Variants in MED13L observed in about 807,000 individuals in gnomAD.
MED13L encodes mediator of RNA polymerase II transcription subunit 13-like.
MED13L carries 7 observed loss-of-function variants against 220.9 expected under a neutral mutation model. The ratio of observed to expected loss-of-function variants is 0.03; its 90% CI spans 0.02 to 0.06. The LOEUF (loss-of-function observed/expected upper bound fraction) is 0.06, where lower values mean the gene tolerates loss of function less well. MED13L is among the 10% of genes least tolerant of loss of function. The probability of loss-of-function intolerance (pLI) is 1.00; values close to 1 mark genes in which losing one functional copy is unlikely to be tolerated. For missense variants in MED13L, 1,965 were observed against 2,760.5 expected (o/e 0.71, Z 6.46); for synonymous variants, 1,011 against 1,015.2 (o/e 1.00, Z 0.08).
At chr12:116,049,506 A>G (rs1451336862) in intron 4 of MED13L, among the ~76,000 whole-genome samples, 1 of 152,210 alleles carries the variant, frequency 6.6e-6, no homozygotes, top group African/African-American at 2.4e-5. Context: ...TTGGCATGGC[A>G]AAAGAAAAAA....
At chr12:116,260,450 G>A (rs977323456) in intron 1 of MED13L, among the ~76,000 whole-genome samples, 1 of 152,098 alleles carries the variant, frequency 6.6e-6, no homozygotes, top group Non-Finnish European at 1.5e-5. Flanking sequence ...AATGTGCTGA[G>A]GAAAAGGGGG....
intron 4 of MED13L, among the ~76,000 whole-genome samples, chr12:116,033,412 A>T (rs2137508549): frequency 6.6e-6 from 1 of 152,320 alleles, no homozygotes; most frequent in South Asian, 2.1e-4. Flanking sequence ...TTCTTAATTC[A>T]AGTGCATTAC....
chr12:116,255,865 T>G (rs1323532327), intron 1 of MED13L, among the ~76,000 whole-genome samples: 3 of 152,228 alleles, frequency 2.0e-5, no homozygotes, highest in Non-Finnish European at 4.4e-5. Flanking sequence ...TCAAAACTTT[T>G]TGCATGCCAA....
At chr12:116,111,685 ATACT>A (rs1874106225) in intron 2 of MED13L, among the ~76,000 whole-genome samples, 173 bp from the exon 3 acceptor site, 1 of 152,188 alleles carries the variant, frequency 6.6e-6, no homozygotes, top group East Asian at 1.9e-4. Context: ...AAGTTAGAAA[ATACT>A]TACGTACAAA....
At chr12:116,091,136 A>G (rs1184230065) in intron 4 of MED13L, among the ~76,000 whole-genome samples, 1 of 151,590 alleles carries the variant, frequency 6.6e-6, no homozygotes, top group Non-Finnish European at 1.5e-5. Context: ...AAAAAAAAAA[A>G]AAAAAGAATT....
At chr12:116,167,194 A>T (rs934564045) in intron 2 of MED13L, among the ~76,000 whole-genome samples, 3 of 152,180 alleles carry the variant, frequency 2.0e-5, no homozygotes, top group Non-Finnish European at 4.4e-5. Flanking sequence ...AAGAGCATAA[A>T]TGTTTTATAG....
At chr12:116,113,737 G>A (rs1408707366) in intron 2 of MED13L, among the ~76,000 whole-genome samples, 1 of 116,364 alleles carries the variant, frequency 8.6e-6, no homozygotes, top group African/African-American at 3.2e-5. Context: ...AGAGGAGGGG[G>A]AGGGGAAGAG....
chr12:116,151,996 T>C (rs1041318245), intron 2 of MED13L, among the ~76,000 whole-genome samples: 5 of 152,178 alleles, frequency 3.3e-5, no homozygotes. Flanking sequence ...CCTTTTCCAC[T>C]ATACATTCAA....
chr12:116,265,642 T>C (rs1414196042), intron 1 of MED13L, among the ~76,000 whole-genome samples: 1 of 152,246 alleles, frequency 6.6e-6, no homozygotes, highest in Non-Finnish European at 1.5e-5. Context: ...GAACTGATTT[T>C]AGAAAACTGA....
At chr12:116,094,418 T>C (rs1368511758) in intron 4 of MED13L, among the ~76,000 whole-genome samples, 2 of 152,234 alleles carry the variant, frequency 1.3e-5, no homozygotes, top group African/African-American at 4.8e-5. Context: ...CCCATTTATA[T>C]TGAATCAAAT....
chr12:116,248,311 C>T (rs1345557328), intron 1 of MED13L, among the ~76,000 whole-genome samples: 3 of 152,018 alleles, frequency 2.0e-5, no homozygotes, highest in South Asian at 2.1e-4. Flanking sequence ...ATCAACAGAA[C>T]CAAATGGAAA....
intron 1 of MED13L, 154 bp downstream of exon 1, chr12:116,276,906 C>A: frequency 2.0e-6 from 2 of 998,988 alleles, no homozygotes. Context: ...GAGAGACGAT[C>A]CAAAAGGGGG....
At chr12:116,184,653 C>T (rs900428524) in intron 2 of MED13L, among the ~76,000 whole-genome samples, 2 of 152,124 alleles carry the variant, frequency 1.3e-5, no homozygotes, top group Non-Finnish European at 2.9e-5. Flanking sequence ...CTCTAAGTTG[C>T]AGGTTTGAAC....
At chr12:116,000,566 A>C (rs943898569) in intron 14 of MED13L, among the ~76,000 whole-genome samples, 2 of 152,192 alleles carry the variant, frequency 1.3e-5, no homozygotes, top group Non-Finnish European at 2.9e-5. Flanking sequence ...CCAAACCGTA[A>C]GGACTCTTGG....
chr12:116,112,076 T>C (rs1323744587), intron 2 of MED13L, among the ~76,000 whole-genome samples: 1 of 152,208 alleles, frequency 6.6e-6, no homozygotes, highest in African/African-American at 2.4e-5. Flanking sequence ...ATTTTGTTAA[T>C]GTTTGACATT....
chr12:115,985,515 T>C (rs1234732720), intron 19 of MED13L, among the ~76,000 whole-genome samples: 1 of 152,248 alleles, frequency 6.6e-6, no homozygotes, highest in African/African-American at 2.4e-5. Context: ...ATGCCTATCA[T>C]AGTACTAAAT....
At chr12:116,085,979 A>T (rs1344662516) in intron 4 of MED13L, among the ~76,000 whole-genome samples, 1 of 152,242 alleles carries the variant, frequency 6.6e-6, no homozygotes, top group Non-Finnish European at 1.5e-5. Context: ...AGACTATGCT[A>T]GAACTGTGAA....
At chr12:116,096,978 T>A (rs1872685649) in intron 3 of MED13L, among the ~76,000 whole-genome samples, 1 of 152,146 alleles carries the variant, frequency 6.6e-6, no homozygotes, top group South Asian at 2.1e-4. Context: ...TAAACAAAAG[T>A]AAGCAAAATA....
intron 2 of MED13L, among the ~76,000 whole-genome samples, chr12:116,140,164 G>A (rs1188378813): frequency 2.0e-5 from 3 of 152,032 alleles, no homozygotes; most frequent in African/African-American, 7.2e-5. Flanking sequence ...TTCCCAGCAT[G>A]CTCTATTCTC....
Sources: gnomAD v4.1 joint callset for allele counts (sites outside exome capture counted in the v4.1 genomes callset) on GRCh38, gnomAD v4.1.1 for gene constraint, MANE v1.5 for transcripts, NCBI Gene and HGNC (gene_info 2026-07-23, HGNC 2026-07-21) for gene names.